Variants in DMXL1 observed in about 807,000 individuals in gnomAD.
DMXL1 encodes the protein Dmx like 1.
DMXL1 carries 99 observed loss-of-function variants against 319.2 expected under a neutral mutation model. The ratio of observed to expected loss-of-function variants is 0.31; its 90% confidence interval spans 0.26 to 0.37. The LOEUF (loss-of-function observed/expected upper bound fraction) is 0.37, where lower values mean the gene tolerates loss of function less well. Among genes scored for constraint, DMXL1 ranks in the 10% least tolerant of loss-of-function variants. DMXL1 has a pLI of 1.00. For synonymous variants in DMXL1, 1,385 were observed against 1,235.2 expected (o/e 1.12, Z -2.54); for missense variants, 3,745 against 3,595.6 (o/e 1.04, Z -1.06).
In DMXL1 at chr5:119,125,146, A is replaced by G. The variant is rs984532402; in HGVS notation, c.1102+4007A>G. On this transcript the variant is annotated intron_variant, in intron 9 of 43. Coordinates refer to ENST00000539542, the MANE Select transcript of DMXL1 (RefSeq NM_001290321.3). ...TGGAAGTCTTCTTTTACATCACAAC[A>G]TTGTTATGTGAATTTTTGACAGTAG... Among the ~76,000 whole-genome samples, 3 of 152,238 alleles carry G rather than the reference A, an allele frequency of 2.0e-5. No individual in the cohort carries two copies. In the East Asian group the frequency reaches 5.8e-4, roughly 29 times the overall value.
At chr5:119,072,764 AAT>A (rs1749914008) in intron 1 of DMXL1, among the ~76,000 whole-genome samples, 1 of 152,158 alleles carries the variant, frequency 6.6e-6, no homozygotes, top group Non-Finnish European at 1.5e-5. Context: ...TTTGTTTTCA[AAT>A]AGAGACTGTA....
chr5:119,206,581 ACTT>A (rs1332514851), intron 33 of DMXL1: 2 of 273,504 alleles, frequency 7.3e-6, no homozygotes, highest in African/African-American at 4.4e-5. Flanking sequence ...TTGAGTAAAA[ACTT>A]CTTAGGGTTA....
chr5:119,215,012 G>A (rs929966552), intron 34 of DMXL1, among the ~76,000 whole-genome samples: 2 of 152,122 alleles, frequency 1.3e-5, no homozygotes, highest in Non-Finnish European at 2.9e-5. Flanking sequence ...AGATTGGTGG[G>A]TAAGTTGGAA....
intron 28 of DMXL1, among the ~76,000 whole-genome samples, chr5:119,186,155 C>T (rs532482014): frequency 6.6e-6 from 1 of 152,270 alleles, no homozygotes; most frequent in South Asian, 2.1e-4. Flanking sequence ...GACTAATGTG[C>T]CTCCTGAAGC....
At chr5:119,109,287 TG>T (rs1398039694) in intron 4 of DMXL1, among the ~76,000 whole-genome samples, 1 of 152,306 alleles carries the variant, frequency 6.6e-6, no homozygotes, top group African/African-American at 2.4e-5. Context: ...TCTGGAAAAA[TG>T]CACATATTGT....
At chr5:119,231,120 A>C (rs1240191139) in intron 38 of DMXL1, among the ~76,000 whole-genome samples, 1 of 152,182 alleles carries the variant, frequency 6.6e-6, no homozygotes, top group East Asian at 1.9e-4. Flanking sequence ...GAAGCATTAG[A>C]GATTCCCTTT....
At chr5:119,100,840 C>T (rs1344699771) in intron 2 of DMXL1, among the ~76,000 whole-genome samples, 1 of 125,904 alleles carries the variant, frequency 7.9e-6, no homozygotes, top group Non-Finnish European at 1.6e-5. Context: ...AGTGCAGTGG[C>T]GTGAACTCGG....
Position 119,171,858 on chromosome 5 carries a change from C to T in DMXL1, c.6570C>T (p.Ala2190=). ...TCCTCTTTGCTTGTACAGCCAATGC[C>T]AAAACAGTAGTTGCCAATCCATTAT... The part of the protein sequence containing the change: ...VPLLFACTAN[A]KTVVANPLLH... Residue 2190 remains alanine (A), a synonymous_variant, in exon 25 of 44, where the codon GCC becomes GCT. Coordinates refer to ENST00000539542, the MANE Select transcript of DMXL1 (RefSeq NM_001290321.3). 6.2e-7 allele frequency: 1 copy of T among 1,613,854 alleles called. No individual in the cohort carries two copies. Among genetic ancestry groups the T allele is most frequent in the Non-Finnish European group, 8.5e-7 (1 of 1,179,868 alleles).
At chr5:119,225,194 C>T (rs1204417331) in intron 38 of DMXL1, among the ~76,000 whole-genome samples, 1 of 151,910 alleles carries the variant, frequency 6.6e-6, no homozygotes, top group Non-Finnish European at 1.5e-5. Flanking sequence ...TATTTATTAC[C>T]TCATCGTACT....
At chr5:119,146,631 A>G (rs541658494) in intron 15 of DMXL1, among the ~76,000 whole-genome samples, 12 of 152,166 alleles carry the variant, frequency 7.9e-5, no homozygotes, top group African/African-American at 2.4e-4. Flanking sequence ...ATGAAATAGC[A>G]TACATATTAT....
intron 9 of DMXL1, among the ~76,000 whole-genome samples, chr5:119,125,239 A>G (rs998586775): frequency 2.0e-5 from 3 of 152,196 alleles, no homozygotes; most frequent in Non-Finnish European, 4.4e-5. Flanking sequence ...TTTCTCTTCA[A>G]GGGTAAAAAG....
chr5:119,237,385 G>T lies in DMXL1; in HGVS notation c.8530G>T (p.Val2844Phe), dbSNP rs372657449. The change falls in exon 40 of 44, where the codon GTT (valine) becomes TTT (phenylalanine). Residue 2844 changes from valine to phenylalanine, a missense_variant. Val to Phe is a conservative substitution (Grantham distance 50, BLOSUM62 -1). Coordinates refer to ENST00000539542, the MANE Select transcript of DMXL1 (RefSeq NM_001290321.3). ...TCAAACAAACTGGAAATGTTGTCCA[G>T]TTACTGGAAGCATGCCTAAGCCATA... is the stretch of plus-strand genomic sequence containing the variant. ...LYQTNWKCCP[V>F]TGSMPKPYLT... 2.5e-6 allele frequency: 4 copies of T among 1,605,044 alleles called. No individual in the cohort carries two copies. The highest frequency in any genetic ancestry group is 1.3e-5 in the African/African-American group (1 of 74,786).
At chr5:119,123,088 G>T (rs1244463663) in intron 9 of DMXL1, among the ~76,000 whole-genome samples, 1 of 152,168 alleles carries the variant, frequency 6.6e-6, no homozygotes, top group Non-Finnish European at 1.5e-5. Context: ...ATCACTCGTG[G>T]TTAGGAGCTG....
chr5:119,208,041 T>A (rs1322450769), intron 34 of DMXL1, among the ~76,000 whole-genome samples: 1 of 152,144 alleles, frequency 6.6e-6, no homozygotes, highest in East Asian at 1.9e-4. Flanking sequence ...ATCAGGTGTA[T>A]ATTATAACTA....
rs373892756 is a variant in DMXL1, at chr5:119,220,603, T to C, written c.8135+10T>C. ...AAGTGGAAACCAAAGGGTACCTTCATAGTTTGTTTCTATTTAGTAATGTTG... is the reference window on the plus strand; with the variant it reads ...AAGTGGAAACCAAAGGGTACCTTCACAGTTTGTTTCTATTTAGTAATGTTG... On this transcript the variant is annotated intron_variant, in intron 36 of 43. Coordinates refer to ENST00000539542, the MANE Select transcript of DMXL1 (RefSeq NM_001290321.3). 4 of 1,608,468 alleles carry C rather than the reference T, an allele frequency of 2.5e-6. No individual in the cohort carries two copies. Among genetic ancestry groups the C allele is most frequent in the Non-Finnish European group, 3.4e-6 (4 of 1,178,516 alleles).
intron 9 of DMXL1, among the ~76,000 whole-genome samples, chr5:119,122,344 G>A (rs532548328): frequency 0.042 from 6,285 of 148,502 alleles, 173 homozygotes; most frequent in South Asian, 0.064. Flanking sequence ...CGGAGGGGGC[G>A]GCTGGCCGGG....
chr5:119,112,005 G>C (rs376779245), intron 5 of DMXL1, among the ~76,000 whole-genome samples: 1 of 151,952 alleles, frequency 6.6e-6, no homozygotes, highest in Admixed American at 6.6e-5. Context: ...CTGTCGCCCA[G>C]CCTGGAATGC....
chr5:119,121,853 G>C (rs1258248977), intron 9 of DMXL1, among the ~76,000 whole-genome samples: 46 of 148,782 alleles, frequency 3.1e-4, no homozygotes, highest in Non-Finnish European at 3.5e-4. Context: ...TCCCAGTAGG[G>C]GTGGCCGGGC....
At chr5:119,189,568 C>T in intron 28 of DMXL1, 140 bp from the exon 29 acceptor site, 2 of 731,236 alleles carry the variant, frequency 2.7e-6, no homozygotes, top group Non-Finnish European at 4.4e-6. Context: ...TATTTTCTTA[C>T]CTGCTGTGTA....
Sources: allele counts gnomAD v4.1 joint callset (sites outside exome capture counted in the v4.1 genomes callset), GRCh38; gene constraint gnomAD v4.1.1; transcripts MANE v1.5; gene names NCBI Gene and HGNC (gene_info 2026-07-23, HGNC 2026-07-21).